The following LAMA3 variants were observed in gnomAD, a reference collection of about 807,000 sequenced individuals.
The protein encoded by LAMA3 is laminin subunit alpha-3.
In LAMA3, 281 loss-of-function variants were observed where a neutral mutation model predicts 402.0. The observed-to-expected ratio is 0.70, with a 90% CI of 0.63 to 0.77. LAMA3 has a LOEUF of 0.77. Ranked by LOEUF, LAMA3 falls within the 30% of genes least tolerant of loss-of-function variation. The pLI, the probability that LAMA3 is intolerant of heterozygous loss-of-function variation, is 0.00. For synonymous variants in LAMA3, 1,431 were observed against 1,558.4 expected (o/e 0.92, Z 1.93); for missense variants, 3,840 against 4,215.5 (o/e 0.91, Z 2.47).
At chr18:23,950,893 A>G (rs1273886957) in intron 72 of LAMA3, among the ~76,000 whole-genome samples, 1 of 152,202 alleles carries the variant, frequency 6.6e-6, no homozygotes, top group Non-Finnish European at 1.5e-5. Context: ...CTGGTTTTTC[A>G]GAGGAGGAGC....
intron 36 of LAMA3, among the ~76,000 whole-genome samples, chr18:23,865,390 G>A (rs1332095046): frequency 1.3e-5 from 2 of 152,186 alleles, no homozygotes; most frequent in Non-Finnish European, 2.9e-5. Context: ...TCCCTGCTCA[G>A]CCTCCCAAAG....
At chr18:23,921,078 T>C in intron 61 of LAMA3, 24 bp downstream of exon 61, 1 of 1,613,196 alleles carries the variant, frequency 6.2e-7, no homozygotes, top group Non-Finnish European at 8.5e-7. Context: ...GTCTGTTTAC[T>C]TGAATCGTTA....
At position 23,814,401 on chromosome 18, in the gene LAMA3, A is replaced by G; in HGVS notation, c.1789-2A>G. 1 of 1,597,590 alleles carries G rather than the reference A, an allele frequency of 6.3e-7. No homozygotes were observed. The highest frequency in any genetic ancestry group is 8.6e-7 in the Non-Finnish European group (1 of 1,164,950). On this transcript the variant is annotated splice_acceptor_variant, in intron 14 of 74. Coordinates refer to ENST00000313654, the MANE Select transcript of LAMA3 (RefSeq NM_198129.4). LOFTEE classifies it high-confidence loss of function. ...AAATGTTTGTTTGATTTTCATTCAAAGGGGTATTGCCAATGCAAGCTTCAT... is the reference window on the plus strand; with the variant it reads ...AAATGTTTGTTTGATTTTCATTCAAGGGGGTATTGCCAATGCAAGCTTCAT...
At chr18:23,692,335 G>A (rs557494023) in intron 1 of LAMA3, among the ~76,000 whole-genome samples, 5 of 152,272 alleles carry the variant, frequency 3.3e-5, no homozygotes, top group East Asian at 1.9e-4. Context: ...GCAGTGGCAC[G>A]GTCTCAGCTC....
chr18:23,696,428 AT>A (rs1265954454), intron 1 of LAMA3, among the ~76,000 whole-genome samples: 2 of 152,192 alleles, frequency 1.3e-5, no homozygotes, highest in Non-Finnish European at 2.9e-5. Flanking sequence ...AGGTAAACTT[AT>A]TAGACTTTTC....
chr18:23,909,255 T>C lies in LAMA3; in HGVS notation c.7118T>C (p.Ile2373Thr). ...AACATCTCTGACAACATGGACAGAA[T>C]ACGAGAACTAATTCAGCAGGCCAGA... is the stretch of plus-strand genomic sequence containing the variant. ...LGNISDNMDR[I>T]RELIQQARDA... Residue 2373 changes from isoleucine to threonine, a missense_variant, in exon 55 of 75, where the codon ATA becomes ACA. This residue lies in a region of LAMA3 where 891 missense variants were observed against 857.5 expected (regional missense o/e 1.04). Transcript: ENST00000313654. The C allele has an allele frequency of 6.2e-7, 1 of 1,613,576 alleles. No homozygotes were observed. The highest frequency in any genetic ancestry group is 2.2e-5 in the East Asian group (1 of 44,890).
At chr18:23,774,455 A>G (rs2062270185) in intron 9 of LAMA3, among the ~76,000 whole-genome samples, 1 of 152,222 alleles carries the variant, frequency 6.6e-6, no homozygotes, top group Non-Finnish European at 1.5e-5. Flanking sequence ...GAGTAGTTAT[A>G]TATAATTTAG....
intron 1 of LAMA3, among the ~76,000 whole-genome samples, chr18:23,698,010 C>A (rs1394399218): frequency 6.6e-6 from 1 of 151,720 alleles, no homozygotes; most frequent in Non-Finnish European, 1.5e-5. Context: ...GGATTCCAGG[C>A]GTATTGGATT....
At chr18:23,809,830 A>G (rs1201528033) in intron 12 of LAMA3, among the ~76,000 whole-genome samples, 1 of 152,188 alleles carries the variant, frequency 6.6e-6, no homozygotes, top group Non-Finnish European at 1.5e-5. Flanking sequence ...AGGAGGAAAG[A>G]GAAGATCAGG....
chr18:23,843,419 C>G (rs1055003721), intron 29 of LAMA3, among the ~76,000 whole-genome samples: 2 of 152,180 alleles, frequency 1.3e-5, no homozygotes, highest in African/African-American at 4.8e-5. Flanking sequence ...GCTGACCCCC[C>G]TTCTCTAGCA....
chr18:23,690,763 C>A (rs972013916), intron 1 of LAMA3, among the ~76,000 whole-genome samples: 2 of 144,476 alleles, frequency 1.4e-5, no homozygotes, highest in Non-Finnish European at 3.0e-5. Flanking sequence ...GGCGTGCCCC[C>A]CCGTGCCTGG....
At chr18:23,911,148 A>AGGG (rs2081412144) in intron 55 of LAMA3, among the ~76,000 whole-genome samples, 2 of 137,132 alleles carry the variant, frequency 1.5e-5, no homozygotes, top group Admixed American at 7.6e-5. Flanking sequence ...AAAGCAGGAG[A>AGGG]GAATGCCAGG....
At chr18:23,886,287 G>A (rs1316378808) in intron 41 of LAMA3, among the ~76,000 whole-genome samples, 4 of 152,192 alleles carry the variant, frequency 2.6e-5, no homozygotes, top group Non-Finnish European at 4.4e-5. Flanking sequence ...AGCAGCAAAA[G>A]AGAATGAGTG....
intron 8 of LAMA3, among the ~76,000 whole-genome samples, chr18:23,769,799 A>T (rs762711323): frequency 6.6e-6 from 1 of 152,200 alleles, no homozygotes; most frequent in South Asian, 2.1e-4. Flanking sequence ...TGGACTAAAC[A>T]CTCCAATTCA....
At chr18:23,945,290 A>G (rs1309007188) in intron 69 of LAMA3, among the ~76,000 whole-genome samples, 1 of 152,190 alleles carries the variant, frequency 6.6e-6, no homozygotes, top group Non-Finnish European at 1.5e-5. Flanking sequence ...GGTCGGGAGA[A>G]GTGACCGCCA....
intron 56 of LAMA3, among the ~76,000 whole-genome samples, chr18:23,913,225 A>G (rs569846068): frequency 6.6e-6 from 1 of 152,318 alleles, no homozygotes; most frequent in African/African-American, 2.4e-5. Context: ...CCACACCACC[A>G]GGGATCAATA....
chr18:23,944,006 G>A (rs769339618), intron 69 of LAMA3, 35 bp downstream of exon 69: 2 of 1,599,876 alleles, frequency 1.3e-6, no homozygotes, highest in Non-Finnish European at 1.7e-6. Context: ...TCTCCAGTTG[G>A]TGTGGAATTC....
At position 23,834,071 on chromosome 18, in the gene LAMA3, G is replaced by C; in HGVS notation, c.2984+83G>C. The stretch of plus-strand genomic sequence containing the variant: ...AGGAACTTTGGCTGTTACTTGCATT[G>C]GGAGGTTATTTTCTTTTTGAGGCAG... On this transcript the variant is annotated intron_variant, in intron 24 of 74. Transcript: ENST00000313654. The C allele has an allele frequency of 3.3e-6, 5 of 1,505,278 alleles. No homozygotes were observed. The South Asian group carries it at 5.7e-5, about 17-fold the overall frequency. 93.2% of individuals were successfully genotyped at this position (1,505,278 alleles called of 1,614,324 possible).
intron 1 of LAMA3, among the ~76,000 whole-genome samples, chr18:23,708,340 T>C (rs1358120295): frequency 3.3e-5 from 5 of 152,202 alleles, no homozygotes; most frequent in Non-Finnish European, 7.3e-5. Flanking sequence ...AGCAATATCT[T>C]GGTCCTTTAA....
Sources: gnomAD v4.1 joint callset for allele counts (sites outside exome capture counted in the v4.1 genomes callset) on GRCh38, gnomAD v4.1.1 for gene constraint, gnomAD v4.1.1 regional missense constraint, MANE v1.5 for transcripts, NCBI Gene and HGNC (gene_info 2026-07-23, HGNC 2026-07-21) for gene names.